The following PHKA2 variants were observed in gnomAD, a reference collection of about 807,000 sequenced individuals.
PHKA2 encodes the protein phosphorylase b kinase regulatory subunit alpha, liver isoform.
A neutral mutation model predicts 102.0 loss-of-function variants in PHKA2; 31 were observed. The observed-to-expected ratio is 0.30, with a 90% CI of 0.23 to 0.41. The LOEUF (loss-of-function observed/expected upper bound fraction) is 0.41. PHKA2 is among the 10% of genes least tolerant of loss of function. The pLI, the probability that PHKA2 is intolerant of heterozygous loss-of-function variation, is 1.00. For synonymous variants in PHKA2, 455 were observed against 416.2 expected (o/e 1.09, Z -1.13); for missense variants, 858 against 1,023.1 (o/e 0.84, Z 2.20).
chrX:18,909,742 T>C (rs770249159), intron 20 of PHKA2, among the ~76,000 whole-genome samples: 1 of 112,431 alleles, frequency 8.9e-6, no homozygotes, highest in Non-Finnish European at 1.9e-5. Flanking sequence ...CTTGTGAAGA[T>C]CCCCATGTAC....
chrX:18,931,049 C>G (rs751485903), intron 12 of PHKA2, among the ~76,000 whole-genome samples: 1 of 111,789 alleles, frequency 8.9e-6, no homozygotes, highest in African/African-American at 3.3e-5. Context: ...TCATTTGAGG[C>G]GGCTCCAAAG....
intron 22 of PHKA2, 81 bp downstream of exon 22, chrX:18,907,819 A>G (rs773552082): frequency 1.2e-5 from 12 of 1,037,498 alleles, no homozygotes; most frequent in Middle Eastern, 3.4e-4. Context: ...AGTAAGAGGT[A>G]TAACTGGGAG....
In PHKA2 at chrX:18,894,369, G is replaced by C; in HGVS notation, c.3372C>G (p.Val1124=). ...GCGGCACGCGGTTCAGCACCGATTC[G>C]ACATGGACAGCAAACTTGATCTCAT... ...TPHEIKFAVH[V]ESVLNRVPQP... is the part of the protein sequence containing the mutation. The change falls in exon 32 of 33, where the codon GTC becomes GTG. Residue 1124 remains valine, a synonymous_variant. Coordinates refer to ENST00000379942, the MANE Select transcript of PHKA2 (RefSeq NM_000292.3). 8.3e-7 allele frequency: 1 copy of C among 1,211,626 alleles called. No homozygotes were observed. The highest frequency in any genetic ancestry group is 1.1e-6 in the Non-Finnish European group (1 of 895,372).
chrX:18,906,348 G>C, intron 25 of PHKA2, 147 bp downstream of exon 25: 1 of 682,266 alleles, frequency 1.5e-6, no homozygotes, highest in Non-Finnish European at 2.3e-6. Flanking sequence ...CCATCTAAAT[G>C]AGAGAAGCTG....
At chrX:18,895,917 G>A (rs747895658) in intron 30 of PHKA2, 2 of 112,546 alleles carry the variant, frequency 1.8e-5, no homozygotes, top group East Asian at 5.7e-4. Context: ...AGTGGAGCAA[G>A]CACCATGAGC....
chrX:18,901,543 G>A lies in PHKA2; in HGVS notation c.2969C>T (p.Thr990Ile), dbSNP rs1288659737. 3.3e-6 allele frequency: 4 copies of A among 1,204,109 alleles called. No individual in the cohort carries two copies. In the African/African-American group the frequency reaches 5.3e-5, roughly 16 times the overall value. The part of the protein sequence containing the change: ...PTISIHEVGH[T>I]GVTKTERSGI... ...ACTCCTCTCAGTTTTGGTGACTCCG[G>A]TATGGCCCACCTCGTGGATGGAGAT... The change falls in exon 27 of 33, where the codon ACC becomes ATC. Residue 990 changes from threonine (T) to isoleucine (I), a missense_variant. Transcript: ENST00000379942.
chrX:18,906,940 C>G (rs1050842893), intron 23 of PHKA2, 78 bp downstream of exon 23: 2 of 1,027,596 alleles, frequency 1.9e-6, no homozygotes, highest in African/African-American at 3.7e-5. Context: ...TTAAAAAGCC[C>G]CTCCTCCGAA....
Position 18,983,870 on chromosome X carries a change from G to A in PHKA2, c.63C>T (p.Thr21=). 1 of 1,210,693 alleles carries A rather than the reference G, an allele frequency of 8.3e-7. No individual in the cohort carries two copies. The change falls in exon 1 of 33, where the codon ACC becomes ACT. Residue 21 remains threonine (T), a synonymous_variant. Transcript: ENST00000379942. ...CCCTCCTTACCTGGTAACACAGGAT[G>A]GTTTGCTGCACCAGCCGCGCGTACC... ...LDGYARLVQQ[T]ILCYQNPVTG... is the part of the protein sequence containing the mutation.
chrX:18,936,605 G>C (rs1364919817), intron 10 of PHKA2, among the ~76,000 whole-genome samples: 2 of 112,272 alleles, frequency 1.8e-5, no homozygotes, highest in Non-Finnish European at 3.8e-5. Context: ...ATCTTAAGCA[G>C]TGTACCCATT....
chrX:18,894,279 C>A lies in PHKA2; in HGVS notation c.3462G>T (p.Glu1154Asp). ...GGATGATGCCCCCGATGCTGGTCATCTCCGTGTCCGAGAGCAGCGTCAGCA... is the reference window on the plus strand; with the variant it reads ...GGATGATGCCCCCGATGCTGGTCATATCCGTGTCCGAGAGCAGCGTCAGCA... ...IMVLTLLSDT[E>D]MTSIGGIIHV... The change falls in exon 32 of 33, where the codon GAG becomes GAT. Residue 1154 changes from glutamate to aspartate, a missense_variant. Glu to Asp is a conservative substitution (Grantham distance 45). Coordinates refer to ENST00000379942, the MANE Select transcript of PHKA2 (RefSeq NM_000292.3). 1.7e-6 allele frequency: 2 copies of A among 1,211,600 alleles called. No homozygotes were observed. Among genetic ancestry groups the A allele is most frequent in the South Asian group, 3.5e-5 (2 of 56,999 alleles).
rs772044208 is a variant in PHKA2 at position 18,944,254 on chromosome X, T to TGTGTGTGTGTGTGG, written c.619-460_619-447dup. On this transcript the variant is annotated intron_variant, in intron 6 of 32. Transcript: ENST00000379942. ...ATGAATTAACAAGTTCATAACGTTG[T>TGTGTGTGTGTGTGG]GTGTGTGTGTGTGGGTGTGTGTGCA... Among the ~76,000 whole-genome samples, 626 of 111,302 alleles carry TGTGTGTGTGTGTGG rather than the reference T, an allele frequency of 5.6e-3. 4 individuals are homozygous for TGTGTGTGTGTGTGG. Among genetic ancestry groups the TGTGTGTGTGTGTGG allele is most frequent in the African/African-American group, 0.019 (597 of 30,744 alleles).
At position 18,899,215 on chromosome X, in the gene PHKA2, C is replaced by T. The variant is rs748792637; in HGVS notation, c.3069G>A (p.Val1023=). The change falls in exon 29 of 33, where the codon GTG becomes GTA. Residue 1023 remains valine (V), a synonymous_variant. Transcript: ENST00000379942. ...GCGCACTGCTGGACGCGGCCTGGCCCACAGAAAAGAACTACAAAACAAAAA... is the reference window on the plus strand; with the variant it reads ...GCGCACTGCTGGACGCGGCCTGGCCTACAGAAAAGAACTACAAAACAAAAA... ...RFSADEQFFS[V]GQAASSSAHS... is the part of the protein sequence containing the mutation. 1.1e-4 allele frequency: 138 copies of T among 1,207,252 alleles called. No homozygotes were observed. The Admixed American group carries it at 3.0e-3, about 26-fold the overall frequency.
chrX:18,906,506 A>C lies in PHKA2; in HGVS notation c.2795T>G (p.Leu932Arg), dbSNP rs1379297803. 1 of 1,212,157 alleles carries C rather than the reference A, an allele frequency of 8.2e-7. No individual in the cohort carries two copies. Among genetic ancestry groups the C allele is most frequent in the South Asian group, 1.8e-5 (1 of 57,045 alleles). ...TGCGGGCATCTCACCTGAGCAGTTC[A>C]GGCTCCGTGCCAGCTCCGTGGCCAT... is the stretch of plus-strand genomic sequence containing the variant. ...QVMATELARS[L>R]NCSGEEASES... Residue 932 changes from leucine to arginine, a missense_variant, in exon 25 of 33, where the codon CTG (leucine) becomes CGG (arginine). By Grantham distance (102) the Leu-to-Arg change is moderately radical. Transcript: ENST00000379942.
intron 11 of PHKA2, among the ~76,000 whole-genome samples, chrX:18,932,104 T>A (rs1288410297): frequency 8.9e-6 from 1 of 112,274 alleles, no homozygotes; most frequent in Non-Finnish European, 1.9e-5. Flanking sequence ...ATGGAAAACA[T>A]CAGCCTCCAG....
intron 30 of PHKA2, 49 bp from the exon 31 acceptor site, chrX:18,895,240 G>A: frequency 9.4e-7 from 1 of 1,065,380 alleles, no homozygotes; most frequent in Non-Finnish European, 1.3e-6. Context: ...AATGGGATAA[G>A]CACATGCATG....
At chrX:18,904,715 T>C (rs926458057) in intron 26 of PHKA2, among the ~76,000 whole-genome samples, 1 of 112,255 alleles carries the variant, frequency 8.9e-6, no homozygotes, top group Non-Finnish European at 1.9e-5. Flanking sequence ...TGTCTTTGTT[T>C]GCAGCCAGCA....
rs2048066235 is a variant in PHKA2 at position 18,918,899 on chromosome X, T to C, written c.1964-45A>G. 3.3e-5 allele frequency: 37 copies of C among 1,108,658 alleles called. No individual in the cohort carries two copies. The East Asian group carries it at 1.1e-3, about 33-fold the overall frequency. The allele number at this position is 1,108,658 out of a possible 1,213,427, so 91.4% of individuals were successfully genotyped here. ...AAAAAGAGCCAATGAAACCAAGCTG[T>C]AGAAATATGACTACACAATAGTGAC... is the stretch of plus-strand genomic sequence containing the variant. On this transcript the variant is annotated intron_variant, in intron 18 of 32. Coordinates refer to ENST00000379942, the MANE Select transcript of PHKA2 (RefSeq NM_000292.3).
rs147641162 is a variant in PHKA2, at chrX:18,893,393, T to C, written c.*92A>G. On this transcript the variant is annotated 3_prime_UTR_variant, in exon 33 of 33. Transcript: ENST00000379942. ...TTTCTGATGGGACATGCTTTCCTGA[T>C]AGCACAGGGGATCTTGGGGGACAGA... is the stretch of plus-strand genomic sequence containing the variant. 1.9e-5 allele frequency: 17 copies of C among 899,740 alleles called. No individual in the cohort carries two copies. The East Asian group carries it at 4.0e-4, about 21-fold the overall frequency. The allele number at this position is 899,740 out of a possible 1,213,427, so 74.1% of individuals were successfully genotyped here.
In PHKA2 at chrX:18,966,333, C is replaced by G. The variant is rs752753815; in HGVS notation, c.79-11921G>C. ...TCTTGAGCTCCTGACCTCAAGTGAT[C>G]CCCCCGCCTTGGCCTCCCAAAGTGC... On this transcript the variant is annotated intron_variant, in intron 1 of 32. Coordinates refer to ENST00000379942, the MANE Select transcript of PHKA2 (RefSeq NM_000292.3). Among the ~76,000 whole-genome samples, 3 of 105,541 alleles carry G rather than the reference C, an allele frequency of 2.8e-5. No individual in the cohort carries two copies. The East Asian group carries it at 8.6e-4, about 30-fold the overall frequency. The allele number at this position is 105,541 out of a possible 115,157, so 91.6% of individuals were successfully genotyped here.
Sources: allele counts gnomAD v4.1 joint callset (sites outside exome capture counted in the v4.1 genomes callset), GRCh38; gene constraint gnomAD v4.1.1; transcripts MANE v1.5; gene names NCBI Gene and HGNC (gene_info 2026-07-23, HGNC 2026-07-21).